The following APBB1 variants were observed in gnomAD, a reference collection of about 807,000 sequenced individuals.
APBB1 encodes the protein adaptor protein FE65a2.
Under a neutral mutation model 78.4 loss-of-function variants are expected in APBB1, and 22 were observed. The ratio of observed to expected loss-of-function variants is 0.28; its 90% confidence interval spans 0.20 to 0.40. APBB1 has a LOEUF of 0.40. Ranked by LOEUF, APBB1 falls within the 10% of genes least tolerant of loss-of-function variation. The probability of loss-of-function intolerance (pLI) is 1.00; values close to 1 mark genes in which losing one functional copy is unlikely to be tolerated. For synonymous variants in APBB1, 369 were observed against 372.7 expected (o/e 0.99, Z 0.12); for missense variants, 749 against 932.4 (o/e 0.80, Z 2.56).
Position 6,403,170 on chromosome 11 carries a change from G to T in APBB1, c.1079C>A (p.Pro360Gln), listed in dbSNP as rs773998034. 6.8e-6 allele frequency: 11 copies of T among 1,613,102 alleles called. No individual in the cohort carries two copies. The highest frequency in any genetic ancestry group is 2.2e-5 in the East Asian group (1 of 44,888). Residue 360 changes from proline (P) to glutamine (Q), a missense_variant, in exon 6 of 15, where the codon CCA (proline) becomes CAA (glutamine). Physicochemically the swap from Pro to Gln is moderately conservative, Grantham distance 76. Around this residue, in one of 3 missense-constraint regions of APBB1, gnomAD observed 635 missense variants for 765.0 expected, o/e 0.83. Coordinates refer to ENST00000609360, the MANE Select transcript of APBB1 (RefSeq NM_001164.5). The surrounding 1 kb of genome is among the most constrained non-coding windows in gnomAD (Gnocchi z 5.3). The part of the protein sequence containing the change: ...PLPQEEEKLP[P>Q]RNTNPGIKCF... ...CTTGATCCCTGGGTTGGTATTCCGTGGGGGAAGCTTCTCCTCCTCTTGGGG... is the reference window on the plus strand; with the variant it reads ...CTTGATCCCTGGGTTGGTATTCCGTTGGGGAAGCTTCTCCTCCTCTTGGGG...
At chr11:6,417,984 C>A (rs1388568109) in intron 1 of APBB1, among the ~76,000 whole-genome samples, 1 of 152,182 alleles carries the variant, frequency 6.6e-6, no homozygotes, top group East Asian at 1.9e-4. Flanking sequence ...GGAAAGAAGT[C>A]TGGGCTGGAT....
chr11:6,402,171 T>G lies in APBB1; in HGVS notation c.1293A>C (p.Leu431=). 6.2e-7 allele frequency: 1 copy of G among 1,614,086 alleles called. No individual in the cohort carries two copies. The highest frequency in any genetic ancestry group is 8.5e-7 in the Non-Finnish European group (1 of 1,180,012). The change falls in exon 8 of 15, where the codon CTA becomes CTC. Residue 431 remains leucine (L), a synonymous_variant. Transcript: ENST00000609360. The part of the protein sequence containing the change: ...DLLLQLEDET[L]KLVEPQSQAL... ...CCTGGCTCTGTGGCTCCACTAGCTT[T>G]AGTGTCTCATCCTCCAGCTGCAGTA...
In APBB1 at chr11:6,395,567, C is replaced by T. The variant is rs1439065493; in HGVS notation, c.2100G>A (p.Leu700=). 1.3e-6 allele frequency: 2 copies of T among 1,576,218 alleles called. No individual in the cohort carries two copies. Among genetic ancestry groups the T allele is most frequent in the Admixed American group, 3.7e-5 (2 of 54,780 alleles). The change falls in exon 15 of 15, where the codon CTG becomes CTA. Residue 700 remains leucine, a synonymous_variant. Transcript: ENST00000609360. This position sits in a 1 kb window ranked among gnomAD's most constrained non-coding sequence, Gnocchi z 5.2. ...TATGGGCCCCCAGCCGTTTGGGCTT[C>T]AGGGAGCCCCACAGCGACTGAACAC... ...RRGVQSLWGS[L]KPKRLGAHTP
In APBB1 at chr11:6,401,523, C is replaced by A; in HGVS notation, c.1503+51G>T. On this transcript the variant is annotated intron_variant, in intron 10 of 14. Transcript: ENST00000609360. This position sits in a 1 kb window ranked among gnomAD's most constrained non-coding sequence, Gnocchi z 4.5. ...ACAGCACTCAGTGACCCCACCCACA[C>A]CCTTGTAGAGCAAAGGTGGCAACTA... is the stretch of plus-strand genomic sequence containing the variant. 6.2e-7 allele frequency: 1 copy of A among 1,613,960 alleles called. No homozygotes were observed. The highest frequency in any genetic ancestry group is 8.5e-7 in the Non-Finnish European group (1 of 1,179,924).
chr11:6,400,445 G>A (rs548875190), intron 12 of APBB1, among the ~76,000 whole-genome samples: 44 of 152,134 alleles, frequency 2.9e-4, no homozygotes, highest in Admixed American at 9.2e-4. Flanking sequence ...AGGAGGCTAA[G>A]GCAGGAGAAT....
At position 6,395,518 on chromosome 11, in the gene APBB1, G is replaced by C. The variant is rs1040654135; in HGVS notation, c.*16C>G. The C allele has an allele frequency of 4.6e-6, 7 of 1,530,146 alleles. No individual in the cohort carries two copies. In the African/African-American group the frequency reaches 9.7e-5, roughly 21 times the overall value. The allele number at this position is 1,530,146 out of a possible 1,614,324, so 94.8% of individuals were successfully genotyped here. A position where few individuals can be genotyped will look rare whatever the true frequency, so the allele number is the denominator to read the frequency against. The stretch of plus-strand genomic sequence containing the variant: ...GGGGCCCAACACAAGCAGGTGGAGG[G>C]AAGGTGGGGGCTTCTTCATGGGGTA... On this transcript the variant is annotated 3_prime_UTR_variant, in exon 15 of 15. Coordinates refer to ENST00000609360, the MANE Select transcript of APBB1 (RefSeq NM_001164.5). The surrounding 1 kb of genome is among the most constrained non-coding windows in gnomAD (Gnocchi z 5.2).
At chr11:6,404,181 G>T in intron 2 of APBB1, 1 of 355,300 alleles carries the variant, frequency 2.8e-6, no homozygotes, top group Non-Finnish European at 5.1e-6. Flanking sequence ...ACACTTTCTA[G>T]CTCCTGCACA....
rs1276474167 is a variant in APBB1, at chr11:6,401,741, T to G, written c.1389-53A>C. On this transcript the variant is annotated intron_variant, in intron 9 of 14. Transcript: ENST00000609360. The surrounding 1 kb of genome is among the most constrained non-coding windows in gnomAD (Gnocchi z 4.5). Reference sequence around the variant, plus strand: ...TCCCAGTACCATCCAGTGCTGAGCCTGGTCCCCACCCCACCCACGTCCTCC... The same window carrying G: ...TCCCAGTACCATCCAGTGCTGAGCCGGGTCCCCACCCCACCCACGTCCTCC... The G allele has an allele frequency of 6.3e-7, 1 of 1,595,232 alleles. No individual in the cohort carries two copies. Among genetic ancestry groups the G allele is most frequent in the African/African-American group, 1.3e-5 (1 of 74,500 alleles).
At chr11:6,402,788 CTACAGAG>C in intron 6 of APBB1, 63 bp from the exon 7 acceptor site, 1 of 1,599,552 alleles carries the variant, frequency 6.3e-7, no homozygotes. Context: ...GAGTTCCTGA[CTACAGAG>C]TGTGGCAGGA....
In APBB1 at chr11:6,411,946, G is replaced by A. The variant is rs960700159; in HGVS notation, c.-14-585C>T. 6.6e-6 allele frequency among the ~76,000 whole-genome samples: 1 copy of A among 152,236 alleles called. No individual in the cohort carries two copies. Among genetic ancestry groups the A allele is most frequent in the African/African-American group, 2.4e-5 (1 of 41,458 alleles). ...GCCCTACAGGGCATGGCACTGGAAG[G>A]CAGGTCACAGAGGGAGGGCGCTCGG... On this transcript the variant is annotated intron_variant, in intron 1 of 14. Coordinates refer to ENST00000609360, the MANE Select transcript of APBB1 (RefSeq NM_001164.5). The surrounding 1 kb of genome is among the most constrained non-coding windows in gnomAD (Gnocchi z 5.2).
At chr11:6,408,816 T>C (rs1848887960) in intron 2 of APBB1, among the ~76,000 whole-genome samples, 1 of 152,164 alleles carries the variant, frequency 6.6e-6, no homozygotes, top group African/African-American at 2.4e-5. Flanking sequence ...TGTTTGTGTT[T>C]TTTGTAGAGA....
chr11:6,415,307 T>A (rs1849092153), intron 1 of APBB1, among the ~76,000 whole-genome samples: 1 of 152,140 alleles, frequency 6.6e-6, no homozygotes, highest in Non-Finnish European at 1.5e-5. Flanking sequence ...TGGGGTTGAG[T>A]CTTGCTCAAA....
At chr11:6,410,106 T>A (rs1258782676) in intron 2 of APBB1, among the ~76,000 whole-genome samples, 1 of 150,232 alleles carries the variant, frequency 6.7e-6, no homozygotes. Flanking sequence ...CGGGGCCGAC[T>A]GTCCCAAGTG....
chr11:6,396,502 T>C lies in APBB1; in HGVS notation c.1673-287A>G, dbSNP rs549083743. 3.9e-5 allele frequency: 15 copies of C among 383,694 alleles called. 1 individual carries two copies. Among genetic ancestry groups the C allele is most frequent in the South Asian group, 2.9e-4 (10 of 34,030 alleles). 23.8% of individuals were successfully genotyped at this position (383,694 alleles called of 1,614,324 possible). A position where few individuals can be genotyped will look rare whatever the true frequency, so the allele number is the denominator to read the frequency against. ...TTCTGAACTGACTGACCTCTCAAAGTTCTGATTTCCCCAAATCATGCTCTC... is the reference window on the plus strand; with the variant it reads ...TTCTGAACTGACTGACCTCTCAAAGCTCTGATTTCCCCAAATCATGCTCTC... On this transcript the variant is annotated intron_variant, in intron 12 of 14. Coordinates refer to ENST00000609360, the MANE Select transcript of APBB1 (RefSeq NM_001164.5).
Position 6,402,070 on chromosome 11 carries a change from C to T in APBB1, c.1382+12G>A. ...TGAACTCCCACCCTCGAATCCCAAG[C>T]CCTATTCCCACCTTCCACTGTCCCG... On this transcript the variant is annotated intron_variant, in intron 8 of 14. Coordinates refer to ENST00000609360, the MANE Select transcript of APBB1 (RefSeq NM_001164.5). 1 of 1,613,618 alleles carries T rather than the reference C, an allele frequency of 6.2e-7. No individual in the cohort carries two copies.
rs375733189 is a variant in APBB1 at position 6,402,712 on chromosome 11, C to A, written c.1118G>T (p.Arg373Leu). ...TNPGIKCFAV[R>L]SLGWVEMTEE... Reference sequence around the variant, plus strand: ...GGTCATCTCTACCCAGCCTAGGGAGCGCACGGCGAAACACTGCCAGACACA... The same window carrying A: ...GGTCATCTCTACCCAGCCTAGGGAGAGCACGGCGAAACACTGCCAGACACA... Residue 373 changes from arginine to leucine, a missense_variant, in exon 7 of 15, where the codon CGC (arginine) becomes CTC (leucine). Arg to Leu is a moderately radical substitution (Grantham distance 102). Around this residue, in one of 3 missense-constraint regions of APBB1, gnomAD observed 635 missense variants for 765.0 expected, o/e 0.83. Coordinates refer to ENST00000609360, the MANE Select transcript of APBB1 (RefSeq NM_001164.5). The A allele has an allele frequency of 6.2e-7, 1 of 1,614,060 alleles. No individual in the cohort carries two copies.
At chr11:6,413,415 C>A (rs180756004) in intron 1 of APBB1, among the ~76,000 whole-genome samples, 4 of 152,290 alleles carry the variant, frequency 2.6e-5, no homozygotes, top group South Asian at 2.1e-4. Context: ...GGAGTTCTTT[C>A]TTTCCCTGAC....
Position 6,395,516 on chromosome 11 carries a change from G to A in APBB1, c.*18C>T. The A allele has an allele frequency of 6.5e-7, 1 of 1,529,132 alleles. No individual in the cohort carries two copies. 94.7% of individuals were successfully genotyped at this position (1,529,132 alleles called of 1,614,324 possible). ...CTGGGGCCCAACACAAGCAGGTGGA[G>A]GGAAGGTGGGGGCTTCTTCATGGGG... On this transcript the variant is annotated 3_prime_UTR_variant, in exon 15 of 15. Transcript: ENST00000609360. The surrounding 1 kb of genome is among the most constrained non-coding windows in gnomAD (Gnocchi z 5.2).
intron 1 of APBB1, among the ~76,000 whole-genome samples, chr11:6,416,764 T>C (rs1849129539): frequency 6.6e-6 from 1 of 151,566 alleles, no homozygotes; most frequent in South Asian, 2.1e-4. Flanking sequence ...TTTTTTGCGA[T>C]GGAGTCCTGC....
Sources: allele counts gnomAD v4.1 joint callset (sites outside exome capture counted in the v4.1 genomes callset), GRCh38; gene constraint gnomAD v4.1.1; regional missense constraint gnomAD v4.1.1; non-coding constraint Gnocchi (gnomAD v3.1); transcripts MANE v1.5; gene names NCBI Gene and HGNC (gene_info 2026-07-23, HGNC 2026-07-21).